Variants in ANO3 observed in about 807,000 individuals in gnomAD.
ANO3 encodes anoctamin 3.
Under a neutral mutation model 144.8 loss-of-function variants are expected in ANO3, and 99 were observed. The observed-to-expected ratio is 0.68, with a 90% CI of 0.58 to 0.81. ANO3 has a LOEUF of 0.81. Ranked by LOEUF, ANO3 falls within the 30% of genes least tolerant of loss-of-function variation. The probability of loss-of-function intolerance (pLI) is 0.00; values close to 1 mark genes in which losing one functional copy is unlikely to be tolerated. For synonymous variants in ANO3, 414 were observed against 392.6 expected (o/e 1.05, Z -0.64); for missense variants, 905 against 1,202.2 (o/e 0.75, Z 3.66).
intron 1 of ANO3, among the ~76,000 whole-genome samples, chr11:26,251,695 G>A (rs12224848): frequency 6.6e-6 from 1 of 152,122 alleles, no homozygotes; most frequent in Non-Finnish European, 1.5e-5. Flanking sequence ...CTGCATGGCT[G>A]GGGAGGCCTC....
At chr11:26,441,462 C>G (rs903033600) in intron 1 of ANO3, among the ~76,000 whole-genome samples, 20 of 152,220 alleles carry the variant, frequency 1.3e-4, no homozygotes, top group African/African-American at 4.6e-4. Flanking sequence ...TTTCCAGCCT[C>G]TAAGTCACTG....
intron 1 of ANO3, among the ~76,000 whole-genome samples, chr11:26,227,829 T>C (rs1427099171): frequency 6.6e-6 from 1 of 152,186 alleles, no homozygotes; most frequent in Non-Finnish European, 1.5e-5. Flanking sequence ...TCACTCTTGA[T>C]ATATACAATA....
intron 3 of ANO3, among the ~76,000 whole-genome samples, chr11:26,456,788 C>T (rs547585710): frequency 2.5e-3 from 332 of 132,032 alleles, no homozygotes; most frequent in African/African-American, 5.7e-3. Flanking sequence ...ATGTTTATTG[C>T]GGCACTATTC....
intron 1 of ANO3, among the ~76,000 whole-genome samples, chr11:26,289,826 T>G (rs529097347): frequency 6.6e-6 from 1 of 151,266 alleles, no homozygotes; most frequent in African/African-American, 2.4e-5. Flanking sequence ...ATAATGCCAG[T>G]ATTTTATTGA....
chr11:26,374,733 T>C (rs758584268), intron 1 of ANO3, among the ~76,000 whole-genome samples: 2 of 152,152 alleles, frequency 1.3e-5, no homozygotes, highest in Non-Finnish European at 2.9e-5. Context: ...TTACATTTAT[T>C]GTGCACTTTC....
intron 26 of ANO3, among the ~76,000 whole-genome samples, chr11:26,656,821 C>G (rs1853704151): frequency 6.6e-6 from 1 of 152,072 alleles, no homozygotes; most frequent in African/African-American, 2.4e-5. Flanking sequence ...GAATCCATAT[C>G]GATTCATTGG....
At chr11:26,314,726 T>C (rs1052363765) in intron 1 of ANO3, among the ~76,000 whole-genome samples, 1 of 152,170 alleles carries the variant, frequency 6.6e-6, no homozygotes, top group African/African-American at 2.4e-5. Flanking sequence ...GTCTCAGGGC[T>C]CAGGAAACAT....
intron 1 of ANO3, among the ~76,000 whole-genome samples, chr11:26,375,642 A>T (rs900426503): frequency 1.3e-5 from 2 of 152,152 alleles, no homozygotes; most frequent in African/African-American, 2.4e-5. Flanking sequence ...AGGGCAAAAA[A>T]CATGGCATGT....
At chr11:26,589,332 T>C (rs184367036) in intron 14 of ANO3, among the ~76,000 whole-genome samples, 27 of 141,546 alleles carry the variant, frequency 1.9e-4, no homozygotes, top group African/African-American at 6.6e-4. Flanking sequence ...CTATGAACAT[T>C]GTATTTTTTT....
intron 1 of ANO3, among the ~76,000 whole-genome samples, chr11:26,256,498 C>A (rs1853059447): frequency 6.6e-6 from 1 of 152,062 alleles, no homozygotes; most frequent in Admixed American, 6.6e-5. Context: ...TAGATGCAGT[C>A]TTTAATTTCC....
rs181692416 is a variant in ANO3 at position 26,428,346 on chromosome 11, G to A, written c.47-13572G>A. On this transcript the variant is annotated intron_variant, in intron 1 of 26. Transcript: ENST00000256737. ...AAATTGATTTAGATTGGTCAACTCC[G>A]AAACATATTGTAATAAAACTATTAA... 2.1e-3 allele frequency among the ~76,000 whole-genome samples: 326 copies of A among 152,180 alleles called. 1 individual carries two copies. The highest frequency in any genetic ancestry group is 6.3e-3 in the African/African-American group (262 of 41,526).
chr11:26,552,402 G>C (rs948173754), intron 12 of ANO3, among the ~76,000 whole-genome samples: 2 of 152,012 alleles, frequency 1.3e-5, no homozygotes, highest in African/African-American at 4.8e-5. Flanking sequence ...GCTGAATCCA[G>C]ACACATTTTC....
At chr11:26,479,583 A>T (rs548620034) in intron 4 of ANO3, among the ~76,000 whole-genome samples, 9 of 152,068 alleles carry the variant, frequency 5.9e-5, no homozygotes, top group Non-Finnish European at 1.3e-4. Context: ...ATTCACTACC[A>T]CGAGAACAGC....
At chr11:26,213,479 C>A (rs1564919664) in intron 1 of ANO3, among the ~76,000 whole-genome samples, 1 of 152,172 alleles carries the variant, frequency 6.6e-6, no homozygotes, top group East Asian at 1.9e-4. Context: ...TCTTATACAC[C>A]AATAACAGAC....
chr11:26,264,574 T>C (rs1330342662), intron 1 of ANO3, among the ~76,000 whole-genome samples: 2 of 152,196 alleles, frequency 1.3e-5, no homozygotes, highest in East Asian at 3.9e-4. Context: ...CTTATTGCAT[T>C]AGTCTGCTAA....
At chr11:26,518,372 A>G (rs1352214233) in intron 6 of ANO3, among the ~76,000 whole-genome samples, 1 of 152,086 alleles carries the variant, frequency 6.6e-6, no homozygotes, top group Non-Finnish European at 1.5e-5. Flanking sequence ...GTTATACAAA[A>G]CCATGCAGAA....
chr11:26,227,751 A>G (rs945888465), intron 1 of ANO3, among the ~76,000 whole-genome samples: 11 of 152,000 alleles, frequency 7.2e-5, no homozygotes, highest in African/African-American at 2.7e-4. Flanking sequence ...GAAGCCTTAT[A>G]CTCCTTCTCA....
At chr11:26,278,651 T>A (rs1853610690) in intron 1 of ANO3, among the ~76,000 whole-genome samples, 1 of 152,158 alleles carries the variant, frequency 6.6e-6, no homozygotes, top group Non-Finnish European at 1.5e-5. Context: ...TTTGCACTGG[T>A]GTTTCAAAAT....
intron 5 of ANO3, among the ~76,000 whole-genome samples, chr11:26,511,011 C>A (rs185475080): frequency 3.3e-5 from 5 of 152,186 alleles, no homozygotes; most frequent in Non-Finnish European, 5.9e-5. Context: ...AGAGGGTTCT[C>A]ATCCACAATT....
Sources: gnomAD v4.1 joint callset for allele counts (sites outside exome capture counted in the v4.1 genomes callset) on GRCh38, gnomAD v4.1.1 for gene constraint, MANE v1.5 for transcripts, NCBI Gene and HGNC (gene_info 2026-07-23, HGNC 2026-07-21) for gene names.